PHACTR1: variants seen among roughly 807,000 people sequenced by gnomAD.
PHACTR1 encodes phosphatase and actin regulator 1, also known as RPEL repeat containing 1.
A neutral mutation model predicts 69.2 loss-of-function variants in PHACTR1; 16 were observed. The ratio of observed to expected loss-of-function variants is 0.23; its 90% confidence interval spans 0.16 to 0.35. The LOEUF is 0.35. Ranked by LOEUF, PHACTR1 falls within the 10% of genes least tolerant of loss-of-function variation. PHACTR1 has a pLI of 1.00. For synonymous variants in PHACTR1, 312 were observed against 284.5 expected (o/e 1.10, Z -0.97); for missense variants, 510 against 734.7 (o/e 0.69, Z 3.54).
intron 5 of PHACTR1, among the ~76,000 whole-genome samples, chr6:13,156,835 A>G (rs1758247950): frequency 6.6e-6 from 1 of 152,058 alleles, no homozygotes; most frequent in East Asian, 1.9e-4. Context: ...TCCCTGTCCA[A>G]GCTTTAACAT....
chr6:12,933,730 C>T, intron 4 of PHACTR1: 1 of 1,612,806 alleles, frequency 6.2e-7, no homozygotes, highest in Non-Finnish European at 8.5e-7. Context: ...CCCTGGAAAA[C>T]CACGGCCTCC....
chr6:13,225,018 A>C (rs1769359127), intron 8 of PHACTR1, among the ~76,000 whole-genome samples: 1 of 151,486 alleles, frequency 6.6e-6, no homozygotes, highest in African/African-American at 2.5e-5. Context: ...GTGGACTCAG[A>C]TCTGTCTGGA....
intron 3 of PHACTR1, among the ~76,000 whole-genome samples, chr6:12,744,564 G>C (rs1425956866): frequency 6.6e-6 from 1 of 152,114 alleles, no homozygotes; most frequent in Non-Finnish European, 1.5e-5. Context: ...TGTTTCGTAA[G>C]GAAGATGTTA....
intron 4 of PHACTR1, among the ~76,000 whole-genome samples, chr6:13,052,696 C>T (rs1806139980): frequency 6.6e-6 from 1 of 152,110 alleles, no homozygotes; most frequent in Admixed American, 6.5e-5. Context: ...AAGATACCCC[C>T]AGCTCTCAAT....
At chr6:13,108,784 A>C (rs1048923058) in intron 5 of PHACTR1, among the ~76,000 whole-genome samples, 16 of 151,946 alleles carry the variant, frequency 1.1e-4, no homozygotes, top group African/African-American at 3.9e-4. Flanking sequence ...GCATATAGTG[A>C]TCAGGATTTT....
chr6:13,200,576 T>C (rs1765077517), intron 7 of PHACTR1, among the ~76,000 whole-genome samples: 1 of 152,136 alleles, frequency 6.6e-6, no homozygotes, highest in African/African-American at 2.4e-5. Context: ...TAAGAAATAG[T>C]GCCCTTTTGT....
chr6:12,877,770 A>T (rs1582239101), intron 4 of PHACTR1, among the ~76,000 whole-genome samples: 1 of 152,148 alleles, frequency 6.6e-6, no homozygotes, highest in Non-Finnish European at 1.5e-5. Context: ...TAATTCCCCC[A>T]AGATCTTCCT....
intron 4 of PHACTR1, among the ~76,000 whole-genome samples, chr6:13,053,113 T>C (rs1348359324): frequency 6.6e-6 from 1 of 152,174 alleles, no homozygotes; most frequent in Non-Finnish European, 1.5e-5. Context: ...TCTCCTCCTC[T>C]TTCTCTTCCT....
chr6:12,779,772 G>A (rs1770580914), intron 4 of PHACTR1, among the ~76,000 whole-genome samples: 1 of 152,176 alleles, frequency 6.6e-6, no homozygotes, highest in Admixed American at 6.5e-5. Flanking sequence ...TGGCAGGGTT[G>A]CCCAGCAGCG....
At chr6:13,133,465 C>T (rs1820881074) in intron 5 of PHACTR1, among the ~76,000 whole-genome samples, 1 of 151,920 alleles carries the variant, frequency 6.6e-6, no homozygotes, top group South Asian at 2.1e-4. Flanking sequence ...GACTGGTTTT[C>T]GTATTTTTTT....
At chr6:12,996,724 T>C (rs1489493628) in intron 4 of PHACTR1, among the ~76,000 whole-genome samples, 2 of 152,192 alleles carry the variant, frequency 1.3e-5, no homozygotes, top group Middle Eastern at 3.2e-3. Context: ...ATTAGAGTGA[T>C]ACAACCCTTG....
At chr6:13,198,888 G>A (rs975176010) in intron 7 of PHACTR1, among the ~76,000 whole-genome samples, 1 of 152,212 alleles carries the variant, frequency 6.6e-6, no homozygotes, top group African/African-American at 2.4e-5. Flanking sequence ...ACAAATGTTG[G>A]TAATGATTTT....
At chr6:12,837,427 A>G (rs1295971097) in intron 4 of PHACTR1, among the ~76,000 whole-genome samples, 1 of 124,134 alleles carries the variant, frequency 8.1e-6, no homozygotes, top group African/African-American at 3.3e-5. Flanking sequence ...TATTTCAAAT[A>G]TTATCTGCCT....
At position 12,777,625 on chromosome 6, in the gene PHACTR1, CTTT is replaced by C. The variant is rs869096915; in HGVS notation, c.250+27857_250+27859del. Reference sequence around the variant, plus strand: ...TGTATATATACCACCCTTTCTTCTTCTTTTTTTTTTTTTTTTTTTTTTTTGAGA... The same window carrying C: ...TGTATATATACCACCCTTTCTTCTTCTTTTTTTTTTTTTTTTTTTTTGAGA... On this transcript the variant is annotated intron_variant, in intron 4 of 14. Transcript: ENST00000332995. Among the ~76,000 whole-genome samples, 454 of 98,956 alleles carry C rather than the reference CTTT, an allele frequency of 4.6e-3. 1 individual carries two copies. The highest frequency in any genetic ancestry group is 0.016 in the Middle Eastern group (2 of 128). 64.9% of individuals were successfully genotyped at this position (98,956 alleles called of 152,430 possible).
chr6:13,197,548 TTTA>T (rs796591010), intron 7 of PHACTR1, among the ~76,000 whole-genome samples: 1 of 151,954 alleles, frequency 6.6e-6, no homozygotes, highest in Non-Finnish European at 1.5e-5. Context: ...TCCTTTTTTT[TTTA>T]TTATTATTAT....
intron 4 of PHACTR1, among the ~76,000 whole-genome samples, chr6:13,019,144 C>T (rs1037702512): frequency 1.2e-4 from 18 of 151,188 alleles, no homozygotes; most frequent in Non-Finnish European, 2.2e-4. Flanking sequence ...AACTCCTGGG[C>T]TCAAGCAGTC....
At chr6:13,260,887 T>C (rs1334190947) in intron 10 of PHACTR1, among the ~76,000 whole-genome samples, 1 of 152,234 alleles carries the variant, frequency 6.6e-6, no homozygotes, top group Non-Finnish European at 1.5e-5. Flanking sequence ...GATGACCTTA[T>C]CAAGAATTGA....
intron 4 of PHACTR1, among the ~76,000 whole-genome samples, chr6:12,783,796 T>A (rs1771131043): frequency 6.6e-6 from 1 of 152,136 alleles, no homozygotes; most frequent in African/African-American, 2.4e-5. Flanking sequence ...TGACTTCAAA[T>A]CCACATTTTT....
At chr6:13,105,503 C>T (rs1277017180) in intron 5 of PHACTR1, among the ~76,000 whole-genome samples, 1 of 152,088 alleles carries the variant, frequency 6.6e-6, no homozygotes, top group Admixed American at 6.5e-5. Context: ...AGTTCTGGCA[C>T]TGAGTATACA....
Sources: allele counts gnomAD v4.1 joint callset (sites outside exome capture counted in the v4.1 genomes callset), GRCh38; gene constraint gnomAD v4.1.1; transcripts MANE v1.5; gene names NCBI Gene and HGNC (gene_info 2026-07-23, HGNC 2026-07-21).